ZNF277: variants seen among roughly 807,000 people sequenced by gnomAD.
ZNF277 encodes the protein nuclear receptor-interacting factor 4.
A neutral mutation model predicts 60.7 loss-of-function variants in ZNF277; 55 were observed. The ratio of observed to expected loss-of-function variants is 0.91; its 90% CI spans 0.73 to 1.13. The LOEUF is 1.13. Among genes scored for constraint, ZNF277 ranks in the 50% most tolerant of loss-of-function variants. The pLI is 0.00. For synonymous variants in ZNF277, 178 were observed against 179.3 expected (o/e 0.99, Z 0.06); for missense variants, 510 against 523.0 (o/e 0.98, Z 0.24).
intron 1 of ZNF277, among the ~76,000 whole-genome samples, chr7:112,263,381 T>A (rs1308872997): frequency 6.6e-6 from 1 of 152,130 alleles, no homozygotes; most frequent in South Asian, 2.1e-4. Flanking sequence ...TTGGGATGAG[T>A]TTAAAACTGT....
chr7:112,343,166 A>G lies in ZNF277; in HGVS notation c.*437A>G, dbSNP rs1453243557. ...AAAATTTGAATATCCCTTCTGTACT[A>G]TATTGGGTGAGCTGTAAATGTAATG... On this transcript the variant is annotated 3_prime_UTR_variant, in exon 12 of 12. Transcript: ENST00000361822. The G allele has an allele frequency of 2.6e-5, 4 of 152,778 alleles. No individual in the cohort carries two copies. Among genetic ancestry groups the G allele is most frequent in the African/African-American group, 9.6e-5 (4 of 41,466 alleles). The allele number at this position is 152,778 out of a possible 1,614,324, so 9.5% of individuals were successfully genotyped here.
In ZNF277 at chr7:112,296,281, T is replaced by C. The variant is rs1216082308; in HGVS notation, c.435T>C (p.Ile145=). 4.4e-6 allele frequency: 7 copies of C among 1,592,410 alleles called. No homozygotes were observed. In the African/African-American group the frequency reaches 9.5e-5, roughly 22 times the overall value. The change falls in exon 4 of 12, where the codon ATT becomes ATC. Residue 145 remains isoleucine, a synonymous_variant. Coordinates refer to ENST00000361822, the MANE Select transcript of ZNF277 (RefSeq NM_021994.3). ...GTGACGTTTTACCAGAAGATAGAAT[T>C]CTTAGAGAAGAGCTTCAGAAACAGA... ...LLCDVLPEDR[I]LREELQKQRL...
intron 1 of ZNF277, among the ~76,000 whole-genome samples, chr7:112,236,378 ACTC>A (rs1790785890): frequency 6.6e-6 from 1 of 151,994 alleles, no homozygotes; most frequent in Non-Finnish European, 1.5e-5. Context: ...CCTAGGTACT[ACTC>A]TGGTCAGGTA....
intron 5 of ZNF277, among the ~76,000 whole-genome samples, chr7:112,322,243 G>T (rs989373231): frequency 6.9e-6 from 1 of 145,398 alleles, no homozygotes; most frequent in Non-Finnish European, 1.5e-5. Context: ...TTTAAATGTT[G>T]TTTCTGCCCC....
At chr7:112,216,573 C>A (rs1372314850) in intron 1 of ZNF277, among the ~76,000 whole-genome samples, 1 of 152,086 alleles carries the variant, frequency 6.6e-6, no homozygotes, top group South Asian at 2.1e-4. Context: ...CCTCATAAAG[C>A]GCTAGGATTT....
intron 6 of ZNF277, among the ~76,000 whole-genome samples, chr7:112,328,838 C>T (rs1173794616): frequency 6.6e-6 from 1 of 151,892 alleles, no homozygotes; most frequent in Non-Finnish European, 1.5e-5. Flanking sequence ...CCATTGCACT[C>T]CAGCCTGGGC....
chr7:112,341,725 G>A (rs989868873), intron 11 of ZNF277, among the ~76,000 whole-genome samples: 4 of 152,124 alleles, frequency 2.6e-5, no homozygotes, highest in Admixed American at 6.5e-5. Context: ...TTCTCACATC[G>A]TTCTGGATAA....
chr7:112,317,919 G>A (rs1192723167), intron 4 of ZNF277, among the ~76,000 whole-genome samples: 3 of 152,148 alleles, frequency 2.0e-5, no homozygotes, highest in East Asian at 1.9e-4. Context: ...GGAAAACACT[G>A]GAAAAGACAG....
chr7:112,251,983 G>C (rs1362128725), intron 1 of ZNF277, among the ~76,000 whole-genome samples: 1 of 152,160 alleles, frequency 6.6e-6, no homozygotes, highest in African/African-American at 2.4e-5. Context: ...CAAGTAAGGA[G>C]GATAGATTTT....
Position 112,330,150 on chromosome 7 carries a change from A to G in ZNF277, c.735A>G (p.Lys245=). 1.2e-6 allele frequency: 2 copies of G among 1,613,498 alleles called. No individual in the cohort carries two copies. Among genetic ancestry groups the G allele is most frequent in the Non-Finnish European group, 1.7e-6 (2 of 1,179,786 alleles). ...ATACACTTAAAGATCACATGAGGAA[A>G]AAACAGCATCGTAAGATTAATCCTA... ...DKNTLKDHMR[K]KQHRKINPKN... Residue 245 remains lysine (K), a synonymous_variant, in exon 7 of 12, where the codon AAA becomes AAG. Coordinates refer to ENST00000361822, the MANE Select transcript of ZNF277 (RefSeq NM_021994.3).
intron 6 of ZNF277, among the ~76,000 whole-genome samples, chr7:112,328,838 C>G (rs1173794616): frequency 1.3e-5 from 2 of 151,892 alleles, no homozygotes; most frequent in Non-Finnish European, 2.9e-5. Context: ...CCATTGCACT[C>G]CAGCCTGGGC....
chr7:112,340,817 TG>T lies in ZNF277; in HGVS notation c.1010-54del, dbSNP rs796559481. 36 of 1,510,536 alleles carry T rather than the reference TG, an allele frequency of 2.4e-5. No individual in the cohort carries two copies. The African/African-American group carries it at 4.8e-4, about 20-fold the overall frequency. 93.6% of individuals were successfully genotyped at this position (1,510,536 alleles called of 1,614,324 possible). A position where few individuals can be genotyped will look rare whatever the true frequency, so the allele number is the denominator to read the frequency against. On this transcript the variant is annotated intron_variant, in intron 10 of 11. Transcript: ENST00000361822. ...TGGCTCCTTTAAGAAATTATAATAG[TG>T]CAAAAAATGGGTCTGAACAGTTGTC... is the stretch of plus-strand genomic sequence containing the variant.
chr7:112,286,332 C>T (rs1792062692), intron 1 of ZNF277, among the ~76,000 whole-genome samples: 1 of 152,228 alleles, frequency 6.6e-6, no homozygotes, highest in South Asian at 2.1e-4. Flanking sequence ...CCAGCACATA[C>T]TGTGTCTACC....
chr7:112,300,131 A>T (rs545542907), intron 4 of ZNF277, among the ~76,000 whole-genome samples: 64 of 152,302 alleles, frequency 4.2e-4, no homozygotes, highest in African/African-American at 1.5e-3. Flanking sequence ...AGGTATATAG[A>T]GTTTAAATGA....
chr7:112,253,260 A>G (rs1336143587), intron 1 of ZNF277, among the ~76,000 whole-genome samples: 1 of 152,206 alleles, frequency 6.6e-6, no homozygotes, highest in Non-Finnish European at 1.5e-5. Context: ...ATTTTCTTCT[A>G]AAATCAAAGA....
intron 4 of ZNF277, among the ~76,000 whole-genome samples, chr7:112,301,450 C>T (rs901330784): frequency 7.2e-5 from 11 of 152,058 alleles, no homozygotes; most frequent in Admixed American, 6.6e-5. Flanking sequence ...TATCTTGTAC[C>T]AGATATTTTC....
At chr7:112,302,281 CA>C (rs1792494322) in intron 4 of ZNF277, among the ~76,000 whole-genome samples, 1 of 151,976 alleles carries the variant, frequency 6.6e-6, no homozygotes, top group African/African-American at 2.4e-5. Flanking sequence ...AAAGCCACAA[CA>C]AAATGAAATT....
At chr7:112,267,248 C>T (rs1791569393) in intron 1 of ZNF277, among the ~76,000 whole-genome samples, 1 of 152,134 alleles carries the variant, frequency 6.6e-6, no homozygotes, top group African/African-American at 2.4e-5. Flanking sequence ...GTTCCCTTAG[C>T]TTATTTTATA....
At chr7:112,324,107 T>C (rs761684249) in intron 5 of ZNF277, among the ~76,000 whole-genome samples, 1 of 152,190 alleles carries the variant, frequency 6.6e-6, no homozygotes, top group Non-Finnish European at 1.5e-5. Context: ...TGATTTACAG[T>C]GGGGTTACAT....
Sources: gnomAD v4.1 joint callset for allele counts (sites outside exome capture counted in the v4.1 genomes callset) on GRCh38, gnomAD v4.1.1 for gene constraint, MANE v1.5 for transcripts, NCBI Gene and HGNC (gene_info 2026-07-23, HGNC 2026-07-21) for gene names.